The following AMMECR1L variants were observed in gnomAD, a reference collection of about 807,000 sequenced individuals.
AMMECR1L encodes AMMECR1 like.
AMMECR1L carries 4 observed loss-of-function variants against 36.8 expected under a neutral mutation model. That is an observed-to-expected ratio of 0.11 (90% confidence interval 0.05 to 0.25). The LOEUF (loss-of-function observed/expected upper bound fraction) is 0.25. AMMECR1L is among the 10% of genes least tolerant of loss of function. The pLI is 1.00. For synonymous variants in AMMECR1L, 147 were observed against 148.0 expected (o/e 0.99, Z 0.05); for missense variants, 232 against 392.1 (o/e 0.59, Z 3.45).
At chr2:127,866,557 G>C (rs556867523) in intron 7 of AMMECR1L, among the ~76,000 whole-genome samples, 1 of 152,328 alleles carries the variant, frequency 6.6e-6, no homozygotes, top group South Asian at 2.1e-4. Context: ...TGTGCAGTCA[G>C]AAAGCAGCAC....
rs1691067593 is a variant in AMMECR1L, at chr2:127,873,140, A to G, written c.407+688T>C. The G allele has an allele frequency of 3.0e-6, 3 of 985,350 alleles. No homozygotes were observed. Among genetic ancestry groups the G allele is most frequent in the Middle Eastern group, 5.2e-4 (1 of 1,936 alleles). 61.0% of individuals were successfully genotyped at this position (985,350 alleles called of 1,614,324 possible). A position where few individuals can be genotyped will look rare whatever the true frequency, so the allele number is the denominator to read the frequency against. On this transcript the variant is annotated intron_variant, in intron 3 of 7. Coordinates refer to ENST00000272647, the MANE Select transcript of AMMECR1L (RefSeq NM_001199140.2). The surrounding 1 kb of genome is among the most constrained non-coding windows in gnomAD (Gnocchi z 5.2). ...AAAGCATACCCCCAAAACAAAAATA[A>G]AAAAACAGCAATGCTCTTCAAAGCC... is the stretch of plus-strand genomic sequence containing the variant.
At position 127,873,917 on chromosome 2, in the gene AMMECR1L, T is replaced by C. The variant is rs997641613; in HGVS notation, c.318A>G (p.Ala106=). 6.2e-7 allele frequency: 1 copy of C among 1,614,198 alleles called. No individual in the cohort carries two copies. The highest frequency in any genetic ancestry group is 8.5e-7 in the Non-Finnish European group (1 of 1,180,026). Residue 106 remains alanine (A), a synonymous_variant, in exon 3 of 8, where the codon GCA becomes GCG. Transcript: ENST00000272647. The surrounding 1 kb of genome is among the most constrained non-coding windows in gnomAD (Gnocchi z 5.2). ...CGTCGAAGCAGTAGCAGCACATCTC[T>C]GCAGTCACCACCAGATTCTTAGTGG... ...ANTTKNLVVT[A]EMCCYCFDVL...
At position 127,873,075 on chromosome 2, in the gene AMMECR1L, C is replaced by G. The variant is rs1691062371; in HGVS notation, c.407+753G>C. On this transcript the variant is annotated intron_variant, in intron 3 of 7. Coordinates refer to ENST00000272647, the MANE Select transcript of AMMECR1L (RefSeq NM_001199140.2). The surrounding 1 kb of genome is among the most constrained non-coding windows in gnomAD (Gnocchi z 5.2). The stretch of plus-strand genomic sequence containing the variant: ...TTTGTAGTCTCCGTATGGCAATCAA[C>G]AACTGAGGAATGAATAATCTCATAT... 1 of 985,420 alleles carries G rather than the reference C, an allele frequency of 1.0e-6. No homozygotes were observed. The highest frequency in any genetic ancestry group is 1.2e-6 in the Non-Finnish European group (1 of 829,936). 61.0% of individuals were successfully genotyped at this position (985,420 alleles called of 1,614,324 possible). A position where few individuals can be genotyped will look rare whatever the true frequency, so the allele number is the denominator to read the frequency against.
Position 127,885,951 on chromosome 2 carries a change from C to T in AMMECR1L, c.-290G>A. 1 of 990,590 alleles carries T rather than the reference C, an allele frequency of 1.0e-6. No homozygotes were observed. Among genetic ancestry groups the T allele is most frequent in the Non-Finnish European group, 1.2e-6 (1 of 834,016 alleles). 61.4% of individuals were successfully genotyped at this position (990,590 alleles called of 1,614,324 possible). A position where few individuals can be genotyped will look rare whatever the true frequency, so the allele number is the denominator to read the frequency against. ...GGGCGGGCCGGACGCGCTGCGCGGA[C>T]GGGGCGGGGCGAAGGAGGCCGGCGG... is the stretch of plus-strand genomic sequence containing the variant. On this transcript the variant is annotated 5_prime_UTR_variant, in exon 1 of 8. Coordinates refer to ENST00000272647, the MANE Select transcript of AMMECR1L (RefSeq NM_001199140.2).
intron 2 of AMMECR1L, among the ~76,000 whole-genome samples, chr2:127,878,173 C>T (rs866636318): frequency 3.9e-5 from 6 of 152,170 alleles, no homozygotes; most frequent in South Asian, 2.1e-4. Flanking sequence ...TATGAAAAAC[C>T]AAGCCCAAAG....
chr2:127,873,181 C>T lies in AMMECR1L; in HGVS notation c.407+647G>A. 1.0e-6 allele frequency: 1 copy of T among 985,454 alleles called. No individual in the cohort carries two copies. The highest frequency in any genetic ancestry group is 1.2e-6 in the Non-Finnish European group (1 of 829,942). 61.0% of individuals were successfully genotyped at this position (985,454 alleles called of 1,614,324 possible). A position where few individuals can be genotyped will look rare whatever the true frequency, so the allele number is the denominator to read the frequency against. On this transcript the variant is annotated intron_variant, in intron 3 of 7. Transcript: ENST00000272647. This position sits in a 1 kb window ranked among gnomAD's most constrained non-coding sequence, Gnocchi z 5.2. Reference sequence around the variant, plus strand: ...CTTCAAAGCCAGCTCAGAGCGGCTTCCAATTCTGAGGAAGAAGAAAATGCT... The same window carrying T: ...CTTCAAAGCCAGCTCAGAGCGGCTTTCAATTCTGAGGAAGAAGAAAATGCT...
intron 6 of AMMECR1L, among the ~76,000 whole-genome samples, chr2:127,868,467 C>T (rs1254533265): frequency 6.6e-6 from 1 of 152,156 alleles, no homozygotes; most frequent in Admixed American, 6.5e-5. Flanking sequence ...ACCAACCAGG[C>T]AATCGTTTTC....
chr2:127,879,124 T>G (rs149351939), intron 2 of AMMECR1L, among the ~76,000 whole-genome samples: 1 of 152,358 alleles, frequency 6.6e-6, no homozygotes, highest in African/African-American at 2.4e-5. Flanking sequence ...AATATTTTAC[T>G]TATCTGCCAA....
At position 127,874,271 on chromosome 2, in the gene AMMECR1L, C is replaced by A. The variant is rs781212755; in HGVS notation, c.-37G>T. 6.3e-7 allele frequency: 1 copy of A among 1,593,498 alleles called. No homozygotes were observed. Among genetic ancestry groups the A allele is most frequent in the Admixed American group, 1.9e-5 (1 of 52,082 alleles). ...GCTCAAGGTCTGGAATGCTGCAGAA[C>A]CCTAACCAAAATGAGAAGTTAAGCA... On this transcript the variant is annotated splice_region_variant and 5_prime_UTR_variant, in exon 3 of 8. Coordinates refer to ENST00000272647, the MANE Select transcript of AMMECR1L (RefSeq NM_001199140.2). The surrounding 1 kb of genome is among the most constrained non-coding windows in gnomAD (Gnocchi z 5.2).
intron 5 of AMMECR1L, among the ~76,000 whole-genome samples, chr2:127,870,192 G>GT (rs897457394): frequency 6.6e-6 from 1 of 151,434 alleles, no homozygotes; most frequent in African/African-American, 2.4e-5. Flanking sequence ...GCACGCGACT[G>GT]TAGTCCCAGC....
Position 127,873,724 on chromosome 2 carries a change from CA to C in AMMECR1L, c.407+103del. 1 of 1,583,918 alleles carries C rather than the reference CA, an allele frequency of 6.3e-7. No individual in the cohort carries two copies. The highest frequency in any genetic ancestry group is 8.5e-7 in the Non-Finnish European group (1 of 1,173,064). On this transcript the variant is annotated intron_variant, in intron 3 of 7. Coordinates refer to ENST00000272647, the MANE Select transcript of AMMECR1L (RefSeq NM_001199140.2). This position sits in a 1 kb window ranked among gnomAD's most constrained non-coding sequence, Gnocchi z 5.2. ...CATTCTCTTCCCATTACCCTTTCCT[CA>C]AATGATAATAAAGACTTCCAAGTAG...
chr2:127,871,038 T>C lies in AMMECR1L; in HGVS notation c.519-110A>G, dbSNP rs1690941637. The C allele has an allele frequency of 1.0e-6, 1 of 954,570 alleles. No individual in the cohort carries two copies. Among genetic ancestry groups the C allele is most frequent in the Non-Finnish European group, 1.6e-6 (1 of 639,312 alleles). 59.1% of individuals were successfully genotyped at this position (954,570 alleles called of 1,614,324 possible). A position where few individuals can be genotyped will look rare whatever the true frequency, so the allele number is the denominator to read the frequency against. On this transcript the variant is annotated intron_variant, in intron 4 of 7. Coordinates refer to ENST00000272647, the MANE Select transcript of AMMECR1L (RefSeq NM_001199140.2). This position sits in a 1 kb window ranked among gnomAD's most constrained non-coding sequence, Gnocchi z 4.3. ...TCTTGAGCTATGCAGAGAGTATCTA[T>C]TGTTCATCAACACTAACATGTTAAA... is the stretch of plus-strand genomic sequence containing the variant.
chr2:127,867,086 T>C (rs1444174945), intron 6 of AMMECR1L, 90 bp from the exon 7 acceptor site: 118 of 1,572,826 alleles, frequency 7.5e-5, no homozygotes, highest in Non-Finnish European at 9.7e-5. Context: ...GAAATGGGAC[T>C]CGAGAAGCAG....
At position 127,869,593 on chromosome 2, in the gene AMMECR1L, G is replaced by A; in HGVS notation, c.634-49C>T. 1.4e-6 allele frequency: 2 copies of A among 1,432,346 alleles called. No individual in the cohort carries two copies. The highest frequency in any genetic ancestry group is 2.3e-5 in the South Asian group (2 of 87,296). 88.7% of individuals were successfully genotyped at this position (1,432,346 alleles called of 1,614,324 possible). On this transcript the variant is annotated intron_variant, in intron 5 of 7. Transcript: ENST00000272647. This position sits in a 1 kb window ranked among gnomAD's most constrained non-coding sequence, Gnocchi z 4.7. ...TAAATGGCATTTACTTACTCTAATG[G>A]AACTTCAGTCCCCACATATAAATCA...
At position 127,865,212 on chromosome 2, in the gene AMMECR1L, G is replaced by A. The variant is rs1181276878; in HGVS notation, c.822-7C>T. 1.2e-6 allele frequency: 2 copies of A among 1,604,144 alleles called. No individual in the cohort carries two copies. The highest frequency in any genetic ancestry group is 1.7e-6 in the Non-Finnish European group (2 of 1,172,808). On this transcript the variant is annotated splice_region_variant and splice_polypyrimidine_tract_variant and intron_variant, in intron 7 of 7. Transcript: ENST00000272647. The surrounding 1 kb of genome is among the most constrained non-coding windows in gnomAD (Gnocchi z 5.4). ...CACCTTCTCACTTCGGTACCTGTAT[G>A]AGGAAACAGGAAAGGGTATTAGGAA...
chr2:127,863,120 T>C lies in AMMECR1L; in HGVS notation c.*1974A>G, dbSNP rs1439498485. The C allele has an allele frequency of 6.6e-6, 1 of 152,614 alleles. No homozygotes were observed. Among genetic ancestry groups the C allele is most frequent in the Non-Finnish European group, 1.5e-5 (1 of 68,042 alleles). 9.5% of individuals were successfully genotyped at this position (152,614 alleles called of 1,614,324 possible). ...TTGAACAGTAATGAGTGTAGCCCTA[T>C]GTATCAATACTGTTGTACAAATTGG... On this transcript the variant is annotated 3_prime_UTR_variant, in exon 8 of 8. Transcript: ENST00000272647.
intron 2 of AMMECR1L, among the ~76,000 whole-genome samples, chr2:127,880,377 A>G (rs1036434540): frequency 2.6e-5 from 4 of 152,160 alleles, no homozygotes; most frequent in Non-Finnish European, 1.5e-5. Flanking sequence ...CTCAACAAAA[A>G]GCTGGCAGAA....
chr2:127,867,210 G>A lies in AMMECR1L; in HGVS notation c.725-214C>T, dbSNP rs528178541. The A allele has an allele frequency of 4.9e-5, 48 of 985,472 alleles. 1 individual carries two copies. The South Asian group carries it at 1.6e-3, about 34-fold the overall frequency. 61.0% of individuals were successfully genotyped at this position (985,472 alleles called of 1,614,324 possible). A position where few individuals can be genotyped will look rare whatever the true frequency, so the allele number is the denominator to read the frequency against. The stretch of plus-strand genomic sequence containing the variant: ...GACATGAGATGATAGCCCGACACAT[G>A]CCATAATGGCTGTCCCCAGGCTCCC... On this transcript the variant is annotated intron_variant, in intron 6 of 7. Coordinates refer to ENST00000272647, the MANE Select transcript of AMMECR1L (RefSeq NM_001199140.2).
intron 2 of AMMECR1L, among the ~76,000 whole-genome samples, chr2:127,879,152 C>T (rs1277994930): frequency 2.0e-5 from 3 of 152,188 alleles, no homozygotes; most frequent in Admixed American, 1.3e-4. Context: ...CAAATATTAA[C>T]TTGATACAGT....
Sources: gnomAD v4.1 joint callset for allele counts (sites outside exome capture counted in the v4.1 genomes callset) on GRCh38, gnomAD v4.1.1 for gene constraint, Gnocchi (gnomAD v3.1) non-coding constraint, MANE v1.5 for transcripts, NCBI Gene and HGNC (gene_info 2026-07-23, HGNC 2026-07-21) for gene names.